The following PRKAR1B variants were observed in gnomAD, a reference collection of about 807,000 sequenced individuals.
The protein encoded by PRKAR1B is protein kinase cAMP-dependent type I regulatory subunit beta.
PRKAR1B carries 22 observed loss-of-function variants against 46.5 expected under a neutral mutation model. The observed-to-expected ratio is 0.47, with a 90% CI of 0.34 to 0.68. The LOEUF is 0.68. PRKAR1B is among the 30% of genes least tolerant of loss of function. The probability of loss-of-function intolerance (pLI) is 0.01; values close to 1 mark genes in which losing one functional copy is unlikely to be tolerated. For missense variants in PRKAR1B, 445 were observed against 535.6 expected, an observed-to-expected ratio of 0.83 and a Z score of 1.67; for synonymous variants, 259 against 217.7, an observed-to-expected ratio of 1.19 and a Z score of -1.67.
chr7:604,301 G>A (rs1781862171), intron 6 of PRKAR1B, among the ~76,000 whole-genome samples: 1 of 152,232 alleles, frequency 6.6e-6, no homozygotes, highest in African/African-American at 2.4e-5. Context: ...TCTGCGGCCT[G>A]GCAGCTGAGC....
intron 4 of PRKAR1B, among the ~76,000 whole-genome samples, chr7:647,805 CAAA>C (rs769761277): frequency 5.6e-5 from 1 of 17,888 alleles, no homozygotes; most frequent in South Asian, 1.9e-3. Flanking sequence ...ACTTCGTCTC[CAAA>C]AAAAAAAAAA....
At chr7:623,353 C>G (rs894846442) in intron 4 of PRKAR1B, among the ~76,000 whole-genome samples, 2 of 152,224 alleles carry the variant, frequency 1.3e-5, no homozygotes, top group African/African-American at 4.8e-5. Flanking sequence ...AACAACAATT[C>G]TCTCTCTGGC....
intron 4 of PRKAR1B, among the ~76,000 whole-genome samples, chr7:642,238 A>G (rs779040226): frequency 6.6e-6 from 1 of 152,146 alleles, no homozygotes; most frequent in Admixed American, 6.5e-5. Context: ...AGGCAGATTC[A>G]TGGTGGACGG....
intron 2 of PRKAR1B, among the ~76,000 whole-genome samples, chr7:685,318 GTATATATACGTA>G (rs1562615758): frequency 2.6e-5 from 1 of 37,942 alleles, no homozygotes; most frequent in African/African-American, 1.5e-4. Context: ...GTATATATAC[GTATATATACGTA>G]TATATACGTA....
intron 2 of PRKAR1B, 78 bp from the exon 3 acceptor site, chr7:680,804 C>G (rs1778638376): frequency 6.5e-7 from 1 of 1,534,320 alleles, no homozygotes; most frequent in East Asian, 2.3e-5. Flanking sequence ...TGCCTGTGAT[C>G]CCAGCACTGT....
rs1399100719 is a variant in PRKAR1B at position 551,142 on chromosome 7, A to C, written c.973+247T>G. On this transcript the variant is annotated intron_variant, in intron 10 of 10. Transcript: ENST00000537384. ...CCAGAAGCAGGAGGCTGCCTCCCCC[A>C]AGGTCATGCCCTCTGGGGGACCCCA... is the stretch of plus-strand genomic sequence containing the variant. Among the ~76,000 whole-genome samples, 3 of 151,838 alleles carry C rather than the reference A, an allele frequency of 2.0e-5. No individual in the cohort carries two copies. In the East Asian group the frequency reaches 5.8e-4, roughly 30 times the overall value.
At chr7:614,627 G>T (rs562542205) in intron 4 of PRKAR1B, among the ~76,000 whole-genome samples, 1 of 152,216 alleles carries the variant, frequency 6.6e-6, no homozygotes, top group African/African-American at 2.4e-5. Context: ...TTGGCTGGGC[G>T]TGGCCAGGCA....
intron 3 of PRKAR1B, among the ~76,000 whole-genome samples, chr7:680,157 CAAAAAAAAA>C (rs372918350): frequency 2.3e-4 from 17 of 73,680 alleles, no homozygotes; most frequent in Admixed American, 3.1e-4. Context: ...GACTCTGTTT[CAAAAAAAAA>C]AAAAAAAAAA....
chr7:703,727 A>C (rs78190232), intron 2 of PRKAR1B, among the ~76,000 whole-genome samples: 6,404 of 152,060 alleles, frequency 0.042, 423 homozygotes, highest in African/African-American at 0.13. Context: ...AACCAGACCT[A>C]ACCAACATTT....
intron 9 of PRKAR1B, among the ~76,000 whole-genome samples, chr7:567,520 CCAT>C (rs1177240278): frequency 1.4e-5 from 2 of 143,074 alleles, no homozygotes; most frequent in African/African-American, 5.2e-5. Context: ...ACCTTCATCA[CCAT>C]CACCATCATC....
At chr7:610,537 G>T (rs1782422224) in intron 4 of PRKAR1B, among the ~76,000 whole-genome samples, 1 of 152,190 alleles carries the variant, frequency 6.6e-6, no homozygotes, top group African/African-American at 2.4e-5. Flanking sequence ...AGGTCTGGGA[G>T]CCCCATTTTT....
At chr7:674,660 CTCTAGCCACA>C (rs1786478537) in intron 4 of PRKAR1B, among the ~76,000 whole-genome samples, 1 of 152,192 alleles carries the variant, frequency 6.6e-6, no homozygotes, top group African/African-American at 2.4e-5. Context: ...CACCCAGCTA[CTCTAGCCACA>C]TCTAGCCACT....
intron 4 of PRKAR1B, among the ~76,000 whole-genome samples, chr7:669,017 C>A (rs1289194932): frequency 1.3e-5 from 2 of 152,154 alleles, no homozygotes; most frequent in African/African-American, 4.8e-5. Flanking sequence ...AAACAGACAC[C>A]TGCACACCCA....
chr7:675,025 G>A (rs188925968), intron 4 of PRKAR1B, among the ~76,000 whole-genome samples: 26 of 152,224 alleles, frequency 1.7e-4, no homozygotes, highest in Non-Finnish European at 2.9e-4. Context: ...AACACCCATC[G>A]GGATCTTCAC....
chr7:625,456 G>A (rs1267532071), intron 4 of PRKAR1B, among the ~76,000 whole-genome samples: 7 of 152,166 alleles, frequency 4.6e-5, no homozygotes, highest in Non-Finnish European at 7.3e-5. Flanking sequence ...AAAGAAAATC[G>A]ATGCAGCCAA....
intron 8 of PRKAR1B, among the ~76,000 whole-genome samples, chr7:581,689 G>A (rs976730350): frequency 4.6e-5 from 7 of 152,034 alleles, no homozygotes; most frequent in Non-Finnish European, 8.8e-5. Context: ...ACTGACAGAA[G>A]AAACCACAGG....
In PRKAR1B at chr7:602,882, C is replaced by T. The variant is rs952835641; in HGVS notation, c.549+3311G>A. Among the ~76,000 whole-genome samples the T allele has an allele frequency of 1.3e-5, 2 of 152,134 alleles. No homozygotes were observed. Among genetic ancestry groups the T allele is most frequent in the African/African-American group, 2.4e-5 (1 of 41,428 alleles). ...CACACAAGGGCCTGGGCAAAGGTCA[C>T]GGCCAGCAAAGAACACAGCCTGGGT... On this transcript the variant is annotated intron_variant, in intron 6 of 10. Transcript: ENST00000537384. The surrounding 1 kb of genome is among the most constrained non-coding windows in gnomAD (Gnocchi z 6.4).
chr7:570,424 G>C (rs778247150), intron 9 of PRKAR1B, among the ~76,000 whole-genome samples: 1 of 152,160 alleles, frequency 6.6e-6, no homozygotes, highest in Admixed American at 6.5e-5. Context: ...CCGCTCTTGC[G>C]TAGCCTCGCC....
intron 9 of PRKAR1B, among the ~76,000 whole-genome samples, chr7:555,307 C>T (rs538517114): frequency 8.5e-5 from 13 of 152,252 alleles, no homozygotes; most frequent in South Asian, 2.1e-4. Context: ...CGACTGCTCC[C>T]GGACACACCA....
Sources: allele counts gnomAD v4.1 joint callset (sites outside exome capture counted in the v4.1 genomes callset), GRCh38; gene constraint gnomAD v4.1.1; non-coding constraint Gnocchi (gnomAD v3.1); transcripts MANE v1.5; gene names NCBI Gene and HGNC (gene_info 2026-07-23, HGNC 2026-07-21).